SPAG16: variants seen among roughly 807,000 people sequenced by gnomAD.
SPAG16 encodes the protein sperm associated antigen 16, also known as sperm-associated antigen 16 protein.
SPAG16 carries 86 observed loss-of-function variants against 80.4 expected under a neutral mutation model. The observed-to-expected ratio is 1.07, with a 90% CI of 0.90 to 1.28. The LOEUF (loss-of-function observed/expected upper bound fraction) is 1.28. SPAG16 is among the 50% of genes most tolerant of loss of function. The pLI is 0.00. For synonymous variants in SPAG16, 294 were observed against 265.9 expected, an observed-to-expected ratio of 1.11 and a Z score of -1.03; for missense variants, 870 against 765.3, an observed-to-expected ratio of 1.14 and a Z score of -1.61.
intron 15 of SPAG16, among the ~76,000 whole-genome samples, chr2:214,363,638 A>G (rs879535360): frequency 3.9e-5 from 6 of 152,018 alleles, no homozygotes; most frequent in Non-Finnish European, 7.4e-5. Context: ...ATTTCAATTC[A>G]GAGTACACAA....
chr2:213,819,110 T>A (rs13005916), intron 10 of SPAG16, among the ~76,000 whole-genome samples: 37,677 of 151,938 alleles, frequency 0.25, 5,051 homozygotes, highest in Middle Eastern at 0.39. Flanking sequence ...AGTGGAACAT[T>A]TCTTTATAAA....
At chr2:213,371,637 T>A (rs1390378861) in intron 8 of SPAG16, among the ~76,000 whole-genome samples, 1 of 152,130 alleles carries the variant, frequency 6.6e-6, no homozygotes, top group African/African-American at 2.4e-5. Context: ...AAATTAAACA[T>A]TATTTACTTT....
At chr2:213,873,169 CA>C (rs61098635) in intron 11 of SPAG16, among the ~76,000 whole-genome samples, 89,895 of 151,402 alleles carry the variant, frequency 0.59, 28,540 homozygotes, top group South Asian at 0.85. Context: ...GAAAATTCAT[CA>C]GTGAAGCCAT....
intron 10 of SPAG16, among the ~76,000 whole-genome samples, chr2:213,806,568 A>T (rs372962260): frequency 2.0e-5 from 3 of 152,098 alleles, no homozygotes; most frequent in African/African-American, 4.8e-5. Context: ...ATTCCCACTG[A>T]TATGTTTTAA....
intron 9 of SPAG16, among the ~76,000 whole-genome samples, chr2:213,485,519 T>A (rs1378123215): frequency 1.3e-5 from 2 of 152,148 alleles, no homozygotes; most frequent in Admixed American, 6.5e-5. Flanking sequence ...GCTTATTATC[T>A]TTTGCATATT....
chr2:214,289,655 G>A (rs1175462958), intron 15 of SPAG16, among the ~76,000 whole-genome samples: 2 of 152,124 alleles, frequency 1.3e-5, no homozygotes, highest in African/African-American at 4.8e-5. Flanking sequence ...TTTGAAGTTG[G>A]GTAGTGTGAA....
chr2:213,846,487 G>A (rs1044289193), intron 10 of SPAG16, among the ~76,000 whole-genome samples: 4 of 151,820 alleles, frequency 2.6e-5, no homozygotes, highest in Non-Finnish European at 4.4e-5. Flanking sequence ...GTGTTCCTGT[G>A]TGGTTCAAAA....
chr2:213,895,991 A>C (rs2076978015), intron 11 of SPAG16, among the ~76,000 whole-genome samples: 2 of 152,162 alleles, frequency 1.3e-5, no homozygotes, highest in South Asian at 4.1e-4. Context: ...AATAAATGGA[A>C]TTATCAACAA....
chr2:214,083,092 G>A (rs1423375052), intron 13 of SPAG16, among the ~76,000 whole-genome samples: 1 of 152,020 alleles, frequency 6.6e-6, no homozygotes, highest in East Asian at 1.9e-4. Context: ...CAGGTCTACC[G>A]AACCAGACAT....
intron 15 of SPAG16, among the ~76,000 whole-genome samples, chr2:214,250,785 G>GAA (rs1251783248): frequency 1.4e-4 from 20 of 144,998 alleles, no homozygotes; most frequent in African/African-American, 5.0e-4. Flanking sequence ...GAGAGAGAGA[G>GAA]AGAGTCAAAC....
At chr2:213,703,275 C>G (rs533989440) in intron 10 of SPAG16, among the ~76,000 whole-genome samples, 4 of 152,276 alleles carry the variant, frequency 2.6e-5, no homozygotes, top group African/African-American at 9.6e-5. Flanking sequence ...TTGACTGATA[C>G]AGGTTTGCTC....
At chr2:214,297,334 T>G (rs988073006) in intron 15 of SPAG16, among the ~76,000 whole-genome samples, 5 of 152,140 alleles carry the variant, frequency 3.3e-5, no homozygotes, top group Non-Finnish European at 5.9e-5. Flanking sequence ...TATATTTTTG[T>G]TTTTGTTGCA....
intron 15 of SPAG16, among the ~76,000 whole-genome samples, chr2:214,204,349 A>G (rs2058087706): frequency 6.6e-6 from 1 of 152,172 alleles, no homozygotes; most frequent in Non-Finnish European, 1.5e-5. Flanking sequence ...TGAAAGCACC[A>G]CCTTCTGGCT....
chr2:213,298,120 T>C (rs2062584856), intron 3 of SPAG16, among the ~76,000 whole-genome samples: 1 of 152,180 alleles, frequency 6.6e-6, no homozygotes, highest in Non-Finnish European at 1.5e-5. Flanking sequence ...TTCTTCAATG[T>C]AGAAGTCCAA....
At chr2:213,337,814 C>A (rs1206370087) in intron 5 of SPAG16, among the ~76,000 whole-genome samples, 1 of 140,040 alleles carries the variant, frequency 7.1e-6, no homozygotes, top group Non-Finnish European at 1.7e-5. Flanking sequence ...GGATATCATC[C>A]AGAATTTCCT....
At position 213,566,209 on chromosome 2, in the gene SPAG16, G is replaced by A. The variant is rs137943317; in HGVS notation, c.1070+76119G>A. Among the ~76,000 whole-genome samples, 864 of 152,246 alleles carry A rather than the reference G, an allele frequency of 5.7e-3. 1 individual carries two copies. The highest frequency in any genetic ancestry group is 8.7e-3 in the Non-Finnish European group (593 of 68,014). Reference sequence around the variant, plus strand: ...GAAATTGTGTGGTTAGGTCGTTGGAGGAATTATCCAAATTGGATAGTGAAA... The same window carrying A: ...GAAATTGTGTGGTTAGGTCGTTGGAAGAATTATCCAAATTGGATAGTGAAA... On this transcript the variant is annotated intron_variant, in intron 10 of 15. Transcript: ENST00000331683.
At chr2:213,701,231 T>G (rs1370998843) in intron 10 of SPAG16, among the ~76,000 whole-genome samples, 3 of 144,916 alleles carry the variant, frequency 2.1e-5, no homozygotes, top group Non-Finnish European at 4.5e-5. Flanking sequence ...CAGAGAGAGA[T>G]TCCATCTAAA....
chr2:214,039,341 C>CT (rs2048883171), intron 13 of SPAG16, among the ~76,000 whole-genome samples: 1 of 152,278 alleles, frequency 6.6e-6, no homozygotes, highest in Non-Finnish European at 1.5e-5. Context: ...TAAATGTCTT[C>CT]TTTTGAGAAG....
At chr2:213,827,393 A>G (rs1311160124) in intron 10 of SPAG16, among the ~76,000 whole-genome samples, 3 of 152,072 alleles carry the variant, frequency 2.0e-5, no homozygotes, top group Non-Finnish European at 2.9e-5. Flanking sequence ...CTGATAATCT[A>G]TTATTTTAAA....
Sources: allele counts gnomAD v4.1 joint callset (sites outside exome capture counted in the v4.1 genomes callset), GRCh38; gene constraint gnomAD v4.1.1; transcripts MANE v1.5; gene names NCBI Gene and HGNC (gene_info 2026-07-23, HGNC 2026-07-21).